Variants in RAB20 observed in about 807,000 individuals in gnomAD.
The protein encoded by RAB20 is RAB20, member RAS oncogene family.
RAB20 carries 2 observed loss-of-function variants against 3.7 expected under a neutral mutation model. The observed-to-expected ratio is 0.54, with a 90% CI of 0.22 to 1.69. The LOEUF (loss-of-function observed/expected upper bound fraction) is 1.69, where lower values mean the gene tolerates loss of function less well. RAB20 is among the 40% of genes most tolerant of loss of function. The probability of loss-of-function intolerance (pLI) is 0.19; values close to 1 mark genes in which losing one functional copy is unlikely to be tolerated. For synonymous variants in RAB20, 126 were observed against 130.8 expected, an observed-to-expected ratio of 0.96 and a Z score of 0.25; for missense variants, 276 against 311.9, an observed-to-expected ratio of 0.88 and a Z score of 0.87.
Position 110,543,774 on chromosome 13 carries a change from A to ATTTTT in RAB20, c.172+17569_172+17573dup, listed in dbSNP as rs60203869. 7.8e-4 allele frequency among the ~76,000 whole-genome samples: 58 copies of ATTTTT among 74,358 alleles called. 1 individual carries two copies. Among genetic ancestry groups the ATTTTT allele is most frequent in the African/African-American group, 2.5e-3 (56 of 22,096 alleles). 48.8% of individuals were successfully genotyped at this position (74,358 alleles called of 152,430 possible). A position where few individuals can be genotyped will look rare whatever the true frequency, so the allele number is the denominator to read the frequency against. On this transcript the variant is annotated intron_variant, in intron 1 of 1. Transcript: ENST00000267328. Reference sequence around the variant, plus strand: ...TTGACTCTTTAATCAAATGTGGGTTATTTTTTTTTTTTTTTTTTTGAGACG... The same window carrying ATTTTT: ...TTGACTCTTTAATCAAATGTGGGTTATTTTTTTTTTTTTTTTTTTTTTTTGAGACG...
At chr13:110,537,237 T>TCCTCCCACATTGG (rs1230179063) in intron 1 of RAB20, among the ~76,000 whole-genome samples, 1 of 151,706 alleles carries the variant, frequency 6.6e-6, no homozygotes, top group Non-Finnish European at 1.5e-5. Context: ...GCTCAAGCAG[T>TCCTCCCACATTGG]CCTCCCACAT....
intron 1 of RAB20, among the ~76,000 whole-genome samples, chr13:110,529,090 A>G (rs1319602097): frequency 1.3e-5 from 2 of 152,248 alleles, no homozygotes. Flanking sequence ...TTCTGAATTT[A>G]ATCCTAATTG....
At chr13:110,554,536 ACAG>A (rs1420924278) in intron 1 of RAB20, among the ~76,000 whole-genome samples, 1 of 152,170 alleles carries the variant, frequency 6.6e-6, no homozygotes, top group Non-Finnish European at 1.5e-5. Context: ...CCTCAGACAG[ACAG>A]CAGTTCACAG....
At chr13:110,526,613 G>A (rs1273537753) in intron 1 of RAB20, among the ~76,000 whole-genome samples, 1 of 152,164 alleles carries the variant, frequency 6.6e-6, no homozygotes, top group Non-Finnish European at 1.5e-5. Flanking sequence ...GACCTTGAAT[G>A]AGGGAGAAAA....
At position 110,529,593 on chromosome 13, in the gene RAB20, T is replaced by C. The variant is rs552288931; in HGVS notation, c.173-5396A>G. Among the ~76,000 whole-genome samples, 48 of 152,232 alleles carry C rather than the reference T, an allele frequency of 3.2e-4. No homozygotes were observed. In the South Asian group the frequency reaches 9.5e-3, roughly 30 times the overall value. On this transcript the variant is annotated intron_variant, in intron 1 of 1. Coordinates refer to ENST00000267328, the MANE Select transcript of RAB20 (RefSeq NM_017817.3). ...CAGGGCAAAAGAGAAAAATCACAAA[T>C]TGGTTCAAATTCAACCAATGCAGCC...
chr13:110,525,199 G>A lies in RAB20; in HGVS notation c.173-1002C>T, dbSNP rs545770118. Among the ~76,000 whole-genome samples the A allele has an allele frequency of 1.4e-4, 22 of 152,362 alleles. No homozygotes were observed. The South Asian group carries it at 4.6e-3, about 32-fold the overall frequency. On this transcript the variant is annotated intron_variant, in intron 1 of 1. Transcript: ENST00000267328. The stretch of plus-strand genomic sequence containing the variant: ...ACTTTCCATGAGGAAACTGAAGTGT[G>A]GGGGAGTCAGGCATAGCAGCGCTAG...
chr13:110,554,949 C>A (rs1885014738), intron 1 of RAB20, among the ~76,000 whole-genome samples: 2 of 150,968 alleles, frequency 1.3e-5, no homozygotes, highest in Non-Finnish European at 1.5e-5. Context: ...ACCTTGGGTT[C>A]CCAAGGGCAG....
At chr13:110,524,328 A>C in intron 1 of RAB20, 131 bp from the exon 2 acceptor site, 2 of 1,344,480 alleles carry the variant, frequency 1.5e-6, no homozygotes, top group Non-Finnish European at 2.0e-6. Flanking sequence ...AAATGCTTAA[A>C]CATAGTTGAT....
intron 1 of RAB20, among the ~76,000 whole-genome samples, chr13:110,533,558 T>C (rs1443896795): frequency 6.6e-6 from 1 of 152,090 alleles, no homozygotes; most frequent in Non-Finnish European, 1.5e-5. Context: ...TGATGGTATG[T>C]GCCTGTAGTC....
intron 1 of RAB20, among the ~76,000 whole-genome samples, chr13:110,532,442 T>A (rs1220883539): frequency 6.6e-6 from 1 of 152,080 alleles, no homozygotes; most frequent in Non-Finnish European, 1.5e-5. Flanking sequence ...AGTGATGCAA[T>A]CTCAGCTCAC....
intron 1 of RAB20, among the ~76,000 whole-genome samples, chr13:110,542,948 C>T (rs1300391458): frequency 1.3e-5 from 2 of 152,210 alleles, no homozygotes; most frequent in African/African-American, 2.4e-5. Flanking sequence ...CACATCCTCA[C>T]CAGCACTTAC....
intron 1 of RAB20, among the ~76,000 whole-genome samples, chr13:110,533,785 G>A (rs887065941): frequency 2.6e-5 from 4 of 152,220 alleles, no homozygotes; most frequent in Non-Finnish European, 4.4e-5. Flanking sequence ...TCAATTGTTT[G>A]TTGATTTTAG....
At chr13:110,538,225 C>T (rs1342449829) in intron 1 of RAB20, among the ~76,000 whole-genome samples, 5 of 111,074 alleles carry the variant, frequency 4.5e-5, no homozygotes, top group Admixed American at 1.1e-4. Context: ...GGTGACAGAG[C>T]GTGACCTTGT....
At chr13:110,538,614 AAAAAGAAAGAAAAG>A (rs768183549) in intron 1 of RAB20, among the ~76,000 whole-genome samples, 2 of 133,496 alleles carry the variant, frequency 1.5e-5, no homozygotes, top group African/African-American at 5.3e-5. Flanking sequence ...AAAAAAAAAA[AAAAAGAAAGAAAAG>A]AAAAGAAAAG....
At chr13:110,540,603 G>A (rs748522613) in intron 1 of RAB20, among the ~76,000 whole-genome samples, 18 of 152,134 alleles carry the variant, frequency 1.2e-4, no homozygotes, top group Non-Finnish European at 2.4e-4. Context: ...TTAGCCAGGC[G>A]GAGTGGTGGG....
At chr13:110,538,962 C>T (rs948550193) in intron 1 of RAB20, among the ~76,000 whole-genome samples, 5 of 152,142 alleles carry the variant, frequency 3.3e-5, no homozygotes, top group Non-Finnish European at 7.3e-5. Context: ...ATCCAGCAGC[C>T]GGATATGACT....
chr13:110,532,939 C>A (rs899742797), intron 1 of RAB20, among the ~76,000 whole-genome samples: 23 of 152,330 alleles, frequency 1.5e-4, no homozygotes, highest in Middle Eastern at 3.4e-3. Context: ...ACTTGGCCTC[C>A]CAAAGTGCTG....
At position 110,561,633 on chromosome 13, in the gene RAB20, G is replaced by C. The variant is rs1885138571; in HGVS notation, c.-114C>G. On this transcript the variant is annotated 5_prime_UTR_variant, in exon 1 of 2. Coordinates refer to ENST00000267328, the MANE Select transcript of RAB20 (RefSeq NM_017817.3). ...CGGACTCGCCGGGACCCGGATTCTC[G>C]TGAACGCTCCGGGACCTTCGCCTCC... 1 of 1,469,656 alleles carries C rather than the reference G, an allele frequency of 6.8e-7. No homozygotes were observed. The highest frequency in any genetic ancestry group is 2.6e-5 in the Admixed American group (1 of 38,360). 91.0% of individuals were successfully genotyped at this position (1,469,656 alleles called of 1,614,324 possible). A position where few individuals can be genotyped will look rare whatever the true frequency, so the allele number is the denominator to read the frequency against.
intron 1 of RAB20, among the ~76,000 whole-genome samples, chr13:110,538,867 G>A (rs890564205): frequency 4.6e-5 from 7 of 152,060 alleles, no homozygotes; most frequent in Admixed American, 3.9e-4. Context: ...CCAGGCAAGA[G>A]CCCCACAATG....
Sources: allele counts gnomAD v4.1 joint callset (sites outside exome capture counted in the v4.1 genomes callset), GRCh38; gene constraint gnomAD v4.1.1; transcripts MANE v1.5; gene names NCBI Gene and HGNC (gene_info 2026-07-23, HGNC 2026-07-21).